The following RSU1 variants were observed in gnomAD, a reference collection of about 807,000 sequenced individuals.
RSU1 encodes Ras suppressor protein 1.
In RSU1, 26 loss-of-function variants were observed where a neutral mutation model predicts 31.1. That is an observed-to-expected ratio of 0.84 (90% confidence interval 0.61 to 1.16). The LOEUF (loss-of-function observed/expected upper bound fraction) is 1.16. RSU1 is among the 50% of genes most tolerant of loss of function. The pLI is 0.00. For synonymous variants in RSU1, 164 were observed against 136.3 expected, an observed-to-expected ratio of 1.20 and a Z score of -1.41; for missense variants, 320 against 339.1, an observed-to-expected ratio of 0.94 and a Z score of 0.44.
intron 7 of RSU1, chr10:16,727,135 C>A: frequency 2.2e-6 from 1 of 456,570 alleles, no homozygotes; most frequent in South Asian, 1.5e-5. Flanking sequence ...CACAAGGGAA[C>A]AGGATGTGGC....
intron 7 of RSU1, among the ~76,000 whole-genome samples, chr10:16,708,653 C>A (rs902632807): frequency 1.3e-5 from 2 of 151,992 alleles, no homozygotes; most frequent in Admixed American, 1.3e-4. Flanking sequence ...TGCATCAAAT[C>A]TGTAGATTAT....
intron 7 of RSU1, among the ~76,000 whole-genome samples, chr10:16,708,647 T>A (rs1488656474): frequency 1.3e-5 from 2 of 152,156 alleles, no homozygotes; most frequent in Admixed American, 1.3e-4. Context: ...AGGAATTGCA[T>A]CAAATCTGTA....
chr10:16,737,376 A>C (rs552194165), intron 7 of RSU1, among the ~76,000 whole-genome samples: 1 of 152,112 alleles, frequency 6.6e-6, no homozygotes, highest in Non-Finnish European at 1.5e-5. Flanking sequence ...CCACAGAAAA[A>C]TAGACACAGA....
chr10:16,668,792 T>C (rs1461561359), intron 8 of RSU1, among the ~76,000 whole-genome samples: 2 of 152,172 alleles, frequency 1.3e-5, no homozygotes, highest in East Asian at 1.9e-4. Context: ...TTTTCTGTCT[T>C]TGATGGTGGT....
At position 16,668,752 on chromosome 10, in the gene RSU1, A is replaced by T. The variant is rs576651417; in HGVS notation, c.731+26271T>A. ...CATTATTAACTTTCCTAGATCTGTA[A>T]ATAAAAGGAGGCACACTGCAGTGAC... On this transcript the variant is annotated intron_variant, in intron 8 of 8. Transcript: ENST00000345264. Among the ~76,000 whole-genome samples the T allele has an allele frequency of 1.1e-4, 17 of 152,120 alleles. No individual in the cohort carries two copies. In the South Asian group the frequency reaches 2.9e-3, roughly 26 times the overall value.
At chr10:16,703,329 A>T (rs572190785) in intron 7 of RSU1, among the ~76,000 whole-genome samples, 178 of 152,310 alleles carry the variant, frequency 1.2e-3, no homozygotes, top group African/African-American at 3.6e-3. Context: ...TTTTCCCTAC[A>T]TTGCTGGTTA....
chr10:16,796,913 C>T (rs989566572), intron 2 of RSU1, among the ~76,000 whole-genome samples: 1 of 152,210 alleles, frequency 6.6e-6, no homozygotes, highest in African/African-American at 2.4e-5. Flanking sequence ...CAAAGATTGG[C>T]ATGATATCAG....
At chr10:16,801,217 A>G (rs961389082) in intron 2 of RSU1, among the ~76,000 whole-genome samples, 3 of 152,150 alleles carry the variant, frequency 2.0e-5, no homozygotes, top group African/African-American at 7.2e-5. Flanking sequence ...GCTAAACGCT[A>G]AACAAAAAAA....
rs190607523 is a variant in RSU1 at position 16,648,243 on chromosome 10, G to C, written c.731+46780C>G. 2.2e-4 allele frequency among the ~76,000 whole-genome samples: 34 copies of C among 152,096 alleles called. 1 individual carries two copies. The East Asian group carries it at 5.8e-3, about 26-fold the overall frequency. On this transcript the variant is annotated intron_variant, in intron 8 of 8. Transcript: ENST00000345264. ...CACTTCCTAAAGTGCTGGGATTACA[G>C]GCACTAGCCTCCACACCTAGCGTTA...
chr10:16,695,157 TGGGGG>T lies in RSU1; in HGVS notation c.599-7_599-3del. On this transcript the variant is annotated splice_polypyrimidine_tract_variant and splice_region_variant and intron_variant, in intron 7 of 8. Coordinates refer to ENST00000345264, the MANE Select transcript of RSU1 (RefSeq NM_012425.4). Reference sequence around the variant, plus strand: ...TCTGGCCAGTTAAATCCAAGTTTCCTGGGGGGGGGGAAAAAAAAAGTGAAGGTCAC... The same window carrying T: ...TCTGGCCAGTTAAATCCAAGTTTCCTGGGGGAAAAAAAAAGTGAAGGTCAC... 7 of 1,202,564 alleles carry T rather than the reference TGGGGG, an allele frequency of 5.8e-6. No homozygotes were observed. The Admixed American group carries it at 7.4e-5, about 13-fold the overall frequency. 74.5% of individuals were successfully genotyped at this position (1,202,564 alleles called of 1,614,324 possible). A position where few individuals can be genotyped will look rare whatever the true frequency, so the allele number is the denominator to read the frequency against.
Position 16,648,251 on chromosome 10 carries a change from C to T in RSU1, c.731+46772G>A, listed in dbSNP as rs144693664. ...AAAGTGCTGGGATTACAGGCACTAG[C>T]CTCCACACCTAGCGTTACGTGCTTT... On this transcript the variant is annotated intron_variant, in intron 8 of 8. Coordinates refer to ENST00000345264, the MANE Select transcript of RSU1 (RefSeq NM_012425.4). Among the ~76,000 whole-genome samples the T allele has an allele frequency of 2.4e-3, 367 of 152,154 alleles. 1 individual carries two copies. The highest frequency in any genetic ancestry group is 8.4e-3 in the African/African-American group (349 of 41,500).
At chr10:16,810,088 G>A (rs1838377160) in intron 2 of RSU1, among the ~76,000 whole-genome samples, 1 of 151,614 alleles carries the variant, frequency 6.6e-6, no homozygotes, top group African/African-American at 2.4e-5. Flanking sequence ...AAAATTAGCG[G>A]AGCATGGTAG....
At chr10:16,754,500 C>G (rs1027097352) in intron 5 of RSU1, among the ~76,000 whole-genome samples, 10 of 150,808 alleles carry the variant, frequency 6.6e-5, no homozygotes, top group Admixed American at 4.0e-4. Flanking sequence ...GTTGGAATAT[C>G]CTGGGCAAAT....
At chr10:16,594,667 CTA>C in intron 8 of RSU1, among the ~76,000 whole-genome samples, 1 of 138,512 alleles carries the variant, frequency 7.2e-6, no homozygotes. Context: ...CATATATTAT[CTA>C]TATCATATAT....
At chr10:16,713,077 A>G (rs771802010) in intron 7 of RSU1, among the ~76,000 whole-genome samples, 1 of 152,166 alleles carries the variant, frequency 6.6e-6, no homozygotes, top group Non-Finnish European at 1.5e-5. Context: ...TGAGAAATCT[A>G]CTAGTAGTCT....
intron 2 of RSU1, among the ~76,000 whole-genome samples, chr10:16,815,804 G>C (rs528608969): frequency 6.6e-6 from 1 of 152,192 alleles, no homozygotes; most frequent in East Asian, 1.9e-4. Context: ...TACACAGGTG[G>C]TGATGTCTAA....
At chr10:16,740,069 T>C (rs953168725) in intron 7 of RSU1, among the ~76,000 whole-genome samples, 1 of 152,014 alleles carries the variant, frequency 6.6e-6, no homozygotes, top group Admixed American at 6.6e-5. Context: ...TTTTCAAACA[T>C]TCAAAAAAGA....
intron 7 of RSU1, among the ~76,000 whole-genome samples, chr10:16,709,256 T>C (rs1588484328): frequency 2.0e-5 from 3 of 152,266 alleles, no homozygotes; most frequent in Admixed American, 2.0e-4. Flanking sequence ...TTTGGTTTTT[T>C]GTCCTTGCGA....
At chr10:16,809,986 C>CGGGGGGGGGGGGGGGGG (rs747676679) in intron 2 of RSU1, among the ~76,000 whole-genome samples, 1 of 76,964 alleles carries the variant, frequency 1.3e-5, no homozygotes, top group African/African-American at 4.5e-5. Context: ...TTTGGGAGGC[C>CGGGGGGGGGGGGGGGGG]GGGGGTGGGG....
Sources: gnomAD v4.1 joint callset for allele counts (sites outside exome capture counted in the v4.1 genomes callset) on GRCh38, gnomAD v4.1.1 for gene constraint, MANE v1.5 for transcripts, NCBI Gene and HGNC (gene_info 2026-07-23, HGNC 2026-07-21) for gene names.